Variants in EFNA2 observed in about 807,000 individuals in gnomAD.
The protein encoded by EFNA2 is ephrin A2, also known as ephrin-A2.
A neutral mutation model predicts 19.7 loss-of-function variants in EFNA2; 18 were observed. That is an observed-to-expected ratio of 0.91 (90% CI 0.63 to 1.35). The LOEUF is 1.35. Ranked by LOEUF, EFNA2 falls within the 40% of genes most tolerant of loss-of-function variation. EFNA2 has a pLI of 0.00. For synonymous variants in EFNA2, 187 were observed against 137.8 expected (o/e 1.36, Z -2.50); for missense variants, 303 against 296.0 (o/e 1.02, Z -0.17).
In EFNA2 at chr19:1,286,268, T is replaced by A. The variant is rs2081463882; in HGVS notation, c.100T>A (p.Ser34Thr). 1 of 1,114,956 alleles carries A rather than the reference T, an allele frequency of 9.0e-7. No homozygotes were observed. The highest frequency in any genetic ancestry group is 1.7e-5 in the African/African-American group (1 of 58,182). The allele number at this position is 1,114,956 out of a possible 1,614,324, so 69.1% of individuals were successfully genotyped here. A position where few individuals can be genotyped will look rare whatever the true frequency, so the allele number is the denominator to read the frequency against. Residue 34 changes from serine (S) to threonine (T), a missense_variant, in exon 1 of 4, where the codon TCG (serine) becomes ACG (threonine). Coordinates refer to ENST00000215368, the MANE Select transcript of EFNA2 (RefSeq NM_001405.4). The surrounding 1 kb of genome is among the most constrained non-coding windows in gnomAD (Gnocchi z 5.6). ...CGCCGAGGACGCCGCCCGCGCCAAC[T>A]CGGACCGCTACGCCGTCTACTGGAA... is the stretch of plus-strand genomic sequence containing the variant. ...ARAEDAARANSDRYAVYWNRS... is the reference protein window; with the variant it reads ...ARAEDAARANTDRYAVYWNRS...
chr19:1,289,014 G>A (rs946848612), intron 1 of EFNA2, among the ~76,000 whole-genome samples: 4 of 152,232 alleles, frequency 2.6e-5, no homozygotes, highest in Admixed American at 6.5e-5. Flanking sequence ...CCACAACACC[G>A]CGTGTGCATT....
chr19:1,299,675 C>T, intron 3 of EFNA2, 149 bp from the exon 4 acceptor site: 2 of 1,026,612 alleles, frequency 1.9e-6, no homozygotes, highest in Non-Finnish European at 2.6e-6. Flanking sequence ...GGAGAGTGGG[C>T]ATCGGGGATG....
chr19:1,295,691 G>A lies in EFNA2; in HGVS notation c.287G>A (p.Gly96Asp). Residue 96 changes from glycine (G) to aspartate (D), a missense_variant, in exon 2 of 4, where the codon GGC becomes GAC. Coordinates refer to ENST00000215368, the MANE Select transcript of EFNA2 (RefSeq NM_001405.4). The surrounding 1 kb of genome is among the most constrained non-coding windows in gnomAD (Gnocchi z 5.8). ...CACTACGTGCTGTACATGGTCAACG[G>A]CGAGGGCCACGCCTCCTGCGACCAC... ...MEHYVLYMVN[G>D]EGHASCDHRQ... 6.2e-7 allele frequency: 1 copy of A among 1,609,192 alleles called. No homozygotes were observed. The highest frequency in any genetic ancestry group is 8.5e-7 in the Non-Finnish European group (1 of 1,178,306).
At chr19:1,291,304 C>G (rs1478476042) in intron 1 of EFNA2, among the ~76,000 whole-genome samples, 2 of 152,220 alleles carry the variant, frequency 1.3e-5, no homozygotes, top group Admixed American at 6.5e-5. Flanking sequence ...TCAGTTTACC[C>G]TCCTGCACCA....
chr19:1,299,582 CAAAAA>C (rs76643561), intron 3 of EFNA2, among the ~76,000 whole-genome samples: 1 of 94,862 alleles, frequency 1.1e-5, no homozygotes. Context: ...AAAAATAAAG[CAAAAA>C]AAAAAAAAAA....
intron 1 of EFNA2, among the ~76,000 whole-genome samples, chr19:1,289,338 T>C (rs941245894): frequency 6.6e-6 from 1 of 152,068 alleles, no homozygotes; most frequent in African/African-American, 2.4e-5. Flanking sequence ...GTGCGTGGAG[T>C]GCAGGTGTGT....
At chr19:1,298,822 A>G (rs1201793390) in intron 3 of EFNA2, among the ~76,000 whole-genome samples, 3 of 152,086 alleles carry the variant, frequency 2.0e-5, no homozygotes, top group South Asian at 2.1e-4. Context: ...GCTCACGCCT[A>G]TAATCCCAGC....
At chr19:1,284,868 A>G (rs1319604996), upstream of EFNA2, among the ~76,000 whole-genome samples, 2 of 152,260 alleles carry the variant, frequency 1.3e-5, no homozygotes, top group Non-Finnish European at 2.9e-5. The surrounding 1 kb of genome is among the most constrained non-coding windows in gnomAD (Gnocchi z 5.3). Flanking sequence ...GGGCATCGCC[A>G]GCAAAGTCCA....
chr19:1,295,648 C>G lies in EFNA2; in HGVS notation c.244C>G (p.Pro82Ala). The G allele has an allele frequency of 6.2e-7, 1 of 1,611,738 alleles. No homozygotes were observed. Among genetic ancestry groups the G allele is most frequent in the Non-Finnish European group, 8.5e-7 (1 of 1,179,436 alleles). The part of the protein sequence containing the change: ...YCPHYGAPLP[P>A]AERMEHYVLY... ...CCCGCACTATGGGGCGCCGCTGCCG[C>G]CGGCCGAGCGCATGGAGCACTACGT... is the stretch of plus-strand genomic sequence containing the variant. The change falls in exon 2 of 4, where the codon CCG becomes GCG. Residue 82 changes from proline (P) to alanine (A), a missense_variant. Coordinates refer to ENST00000215368, the MANE Select transcript of EFNA2 (RefSeq NM_001405.4). This position sits in a 1 kb window ranked among gnomAD's most constrained non-coding sequence, Gnocchi z 5.8.
Position 1,295,866 on chromosome 19 carries a change from G to C in EFNA2, c.454+8G>C. The C allele has an allele frequency of 6.4e-7, 1 of 1,574,724 alleles. No individual in the cohort carries two copies. Among genetic ancestry groups the C allele is most frequent in the Non-Finnish European group, 8.6e-7 (1 of 1,166,856 alleles). ...ACGAGTATTACTACATCTGTGAGTGGGGTCGGGCCGGGGCTGCCGGGGCCC... is the reference window on the plus strand; with the variant it reads ...ACGAGTATTACTACATCTGTGAGTGCGGTCGGGCCGGGGCTGCCGGGGCCC... On this transcript the variant is annotated splice_region_variant and intron_variant, in intron 2 of 3. Transcript: ENST00000215368. This position sits in a 1 kb window ranked among gnomAD's most constrained non-coding sequence, Gnocchi z 5.8.
In EFNA2 at chr19:1,288,136, G is replaced by C. The variant is rs566197099; in HGVS notation, c.140+1828G>C. 3.9e-4 allele frequency among the ~76,000 whole-genome samples: 60 copies of C among 152,372 alleles called. No homozygotes were observed. In the East Asian group the frequency reaches 9.6e-3, roughly 24 times the overall value. ...GCCTCCTCCTTCCTCTCCTGCCTGC[G>C]GTATCCAGGGTTGCTGGGGACGGAG... On this transcript the variant is annotated intron_variant, in intron 1 of 3. Coordinates refer to ENST00000215368, the MANE Select transcript of EFNA2 (RefSeq NM_001405.4).
At chr19:1,288,853 A>G (rs2081478188) in intron 1 of EFNA2, among the ~76,000 whole-genome samples, 2 of 151,930 alleles carry the variant, frequency 1.3e-5, no homozygotes, top group African/African-American at 4.8e-5. Flanking sequence ...CCACTCCCCA[A>G]CCTGGGCTGG....
chr19:1,300,080 C>A lies in EFNA2; in HGVS notation c.*135C>A. 1 of 1,288,976 alleles carries A rather than the reference C, an allele frequency of 7.8e-7. No homozygotes were observed. The highest frequency in any genetic ancestry group is 1.0e-6 in the Non-Finnish European group (1 of 975,908). The allele number at this position is 1,288,976 out of a possible 1,614,324, so 79.8% of individuals were successfully genotyped here. Reference sequence around the variant, plus strand: ...CTGCTTCTCCCTCGCCTGGTGCCGCCCCCGCCGGGCAGGGGCCATCCACCC... The same window carrying A: ...CTGCTTCTCCCTCGCCTGGTGCCGCACCCGCCGGGCAGGGGCCATCCACCC... On this transcript the variant is annotated 3_prime_UTR_variant, in exon 4 of 4. Transcript: ENST00000215368.
chr19:1,290,114 G>A (rs949106547), intron 1 of EFNA2, among the ~76,000 whole-genome samples: 1 of 152,026 alleles, frequency 6.6e-6, no homozygotes, highest in Non-Finnish European at 1.5e-5. Flanking sequence ...CGAAGTGGGG[G>A]TGACGGAGCC....
rs772145646 is a variant in EFNA2, at chr19:1,287,663, C to T, written c.140+1355C>T. ...CCCTGGGGGCTGAGGGCAGGGACCC[C>T]GGGCCGCTGGGGGACGGCTGGCCCA... On this transcript the variant is annotated intron_variant, in intron 1 of 3. Coordinates refer to ENST00000215368, the MANE Select transcript of EFNA2 (RefSeq NM_001405.4). This position sits in a 1 kb window ranked among gnomAD's most constrained non-coding sequence, Gnocchi z 6.2. 1.8e-4 allele frequency among the ~76,000 whole-genome samples: 27 copies of T among 152,062 alleles called. No homozygotes were observed. Among genetic ancestry groups the T allele is most frequent in the South Asian group, 6.2e-4 (3 of 4,826 alleles).
upstream of EFNA2, among the ~76,000 whole-genome samples, chr19:1,284,843 C>G (rs909599098): frequency 6.6e-6 from 1 of 152,224 alleles, no homozygotes; most frequent in African/African-American, 2.4e-5. The surrounding 1 kb of genome is among the most constrained non-coding windows in gnomAD (Gnocchi z 5.3). Flanking sequence ...AATTCAGAGA[C>G]GTACAACACG....
chr19:1,284,420 T>C (rs2081454052), upstream of EFNA2, among the ~76,000 whole-genome samples: 1 of 152,196 alleles, frequency 6.6e-6, no homozygotes, highest in South Asian at 2.1e-4. This position sits in a 1 kb window ranked among gnomAD's most constrained non-coding sequence, Gnocchi z 5.3. Context: ...CTGAGCTCCC[T>C]GGAGGAGAGA....
upstream of EFNA2, among the ~76,000 whole-genome samples, chr19:1,285,493 C>T (rs1389191191): frequency 2.6e-5 from 4 of 152,202 alleles, no homozygotes; most frequent in African/African-American, 9.6e-5. This position sits in a 1 kb window ranked among gnomAD's most constrained non-coding sequence, Gnocchi z 4.1. Flanking sequence ...AACTCTGCCC[C>T]GGCCCCCGCA....
rs757259712 is a variant in EFNA2, at chr19:1,295,656, G to C, written c.252G>C (p.Glu84Asp). The C allele has an allele frequency of 5.3e-5, 85 of 1,611,618 alleles. No homozygotes were observed. Among genetic ancestry groups the C allele is most frequent in the Non-Finnish European group, 7.0e-5 (82 of 1,179,450 alleles). The part of the protein sequence containing the change: ...PHYGAPLPPA[E>D]RMEHYVLYMV... ...ATGGGGCGCCGCTGCCGCCGGCCGA[G>C]CGCATGGAGCACTACGTGCTGTACA... Residue 84 changes from glutamate (E) to aspartate (D), a missense_variant, in exon 2 of 4, where the codon GAG (glutamate) becomes GAC (aspartate). Physicochemically the swap from Glu to Asp is conservative, Grantham distance 45. Coordinates refer to ENST00000215368, the MANE Select transcript of EFNA2 (RefSeq NM_001405.4). The surrounding 1 kb of genome is among the most constrained non-coding windows in gnomAD (Gnocchi z 5.8).
Sources: allele counts gnomAD v4.1 joint callset (sites outside exome capture counted in the v4.1 genomes callset), GRCh38; gene constraint gnomAD v4.1.1; non-coding constraint Gnocchi (gnomAD v3.1); transcripts MANE v1.5; gene names NCBI Gene and HGNC (gene_info 2026-07-23, HGNC 2026-07-21).